The following FBN2 variants were observed in gnomAD, a reference collection of about 807,000 sequenced individuals.
FBN2 encodes fibrillin-2.
A neutral mutation model predicts 355.6 loss-of-function variants in FBN2; 105 were observed. That is an observed-to-expected ratio of 0.30 (90% CI 0.25 to 0.35). FBN2 has a LOEUF of 0.35. Ranked by LOEUF, FBN2 falls within the 10% of genes least tolerant of loss-of-function variation. FBN2 has a pLI of 1.00. For missense variants in FBN2, 3,280 were observed against 3,758.7 expected (o/e 0.87, Z 3.33); for synonymous variants, 1,350 against 1,301.2 (o/e 1.04, Z -0.81).
chr5:128,298,491 G>T (rs1354226346), intron 48 of FBN2, among the ~76,000 whole-genome samples: 1 of 151,826 alleles, frequency 6.6e-6, no homozygotes, highest in Non-Finnish European at 1.5e-5. Context: ...ACGTAGATTT[G>T]GTCTTTTCAC....
At position 128,261,993 on chromosome 5, in the gene FBN2, C is replaced by T. The variant is rs1475597983; in HGVS notation, c.8193-86G>A. On this transcript the variant is annotated intron_variant, in intron 63 of 64. Coordinates refer to ENST00000262464, the MANE Select transcript of FBN2 (RefSeq NM_001999.4). ...TGGTAGAGCAGACTCTTCAGAAACA[C>T]GAAACCAACAGAGCAAACACTAAAC... The T allele has an allele frequency of 1.2e-5, 12 of 1,031,998 alleles. No individual in the cohort carries two copies. The East Asian group carries it at 1.2e-4, about 10-fold the overall frequency. 63.9% of individuals were successfully genotyped at this position (1,031,998 alleles called of 1,614,324 possible).
intron 11 of FBN2, among the ~76,000 whole-genome samples, chr5:128,385,031 T>G (rs952157038): frequency 1.3e-5 from 2 of 152,138 alleles, no homozygotes; most frequent in Non-Finnish European, 2.9e-5. Context: ...GAGAAAGATA[T>G]GTTTTACATA....
intron 62 of FBN2, among the ~76,000 whole-genome samples, chr5:128,267,391 C>T (rs1272663412): frequency 6.6e-6 from 1 of 152,166 alleles, no homozygotes; most frequent in Non-Finnish European, 1.5e-5. Context: ...CCTGTGGAAT[C>T]ACCACACTGT....
intron 46 of FBN2, among the ~76,000 whole-genome samples, chr5:128,302,738 C>T (rs555395606): frequency 6.6e-6 from 1 of 152,112 alleles, no homozygotes; most frequent in African/African-American, 2.4e-5. Context: ...ACCTTTTTTT[C>T]CTGAAATGAT....
At chr5:128,331,428 T>TA (rs1286704894) in intron 32 of FBN2, among the ~76,000 whole-genome samples, 2 of 151,832 alleles carry the variant, frequency 1.3e-5, no homozygotes, top group African/African-American at 4.8e-5. Context: ...GAAAGGAGGT[T>TA]AGAGTGGCAA....
rs1764915597 is a variant in FBN2 at position 128,259,708 on chromosome 5, T to C, written c.8486A>G (p.Asn2829Ser). 9.3e-6 allele frequency: 15 copies of C among 1,613,774 alleles called. No individual in the cohort carries two copies. Among genetic ancestry groups the C allele is most frequent in the African/African-American group, 1.3e-5 (1 of 74,860 alleles). The change falls in exon 65 of 65, where the codon AAC becomes AGC. Residue 2829 changes from asparagine to serine, a missense_variant. Asn to Ser is a conservative substitution (Grantham distance 46). Around this residue, in one of 6 missense-constraint regions of FBN2, gnomAD observed 311 missense variants for 319.1 expected, o/e 0.97. Transcript: ENST00000262464. ...AGAGATGACATAACGGATGTGGTTG[T>C]TGAGGGGCTGGATGGCGGGCCTTAG... ...LELRPAIQPLNNHIRYVISQG... is the reference protein window; with the variant it reads ...LELRPAIQPLSNHIRYVISQG...
chr5:128,259,588 G>A lies in FBN2; in HGVS notation c.8606C>T (p.Thr2869Ile), dbSNP rs762956345. The A allele has an allele frequency of 6.2e-7, 1 of 1,614,074 alleles. No homozygotes were observed. The highest frequency in any genetic ancestry group is 1.1e-5 in the South Asian group (1 of 91,062). ...GAGAGGGATGCTAGTGATTTCCAGTGTGTATGTGCCGGGCATGAGCTTCTT... is the reference window on the plus strand; with the variant it reads ...GAGAGGGATGCTAGTGATTTCCAGTATGTATGTGCCGGGCATGAGCTTCTT... ...AKKKLMPGTY[T>I]LEITSIPLYK... Residue 2869 changes from threonine (T) to isoleucine (I), a missense_variant, in exon 65 of 65, where the codon ACA becomes ATA. By Grantham distance (89) the Thr-to-Ile change is moderately conservative. Around this residue, in one of 6 missense-constraint regions of FBN2, gnomAD observed 311 missense variants for 319.1 expected, o/e 0.97. Transcript: ENST00000262464.
chr5:128,432,023 T>C (rs1753639694), intron 7 of FBN2, among the ~76,000 whole-genome samples: 1 of 149,898 alleles, frequency 6.7e-6, no homozygotes, highest in Non-Finnish European at 1.5e-5. Flanking sequence ...ATAATAATGA[T>C]GATAATGATA....
chr5:128,487,147 C>T (rs946789540), intron 5 of FBN2, among the ~76,000 whole-genome samples: 1 of 152,120 alleles, frequency 6.6e-6, no homozygotes, highest in African/African-American at 2.4e-5. Context: ...CACTTCCAGG[C>T]CAAAGTGTTT....
In FBN2 at chr5:128,537,374, C is replaced by A. The variant is rs889066564; in HGVS notation, c.230G>T (p.Arg77Leu). ...GAAVASRVRR[R>L]GQQDVLRGPN... Reference sequence around the variant, plus strand: ...CCCTCGGAGCACGTCCTGCTGTCCTCGCCGGCGGACGCGGCTGGCCACTGC... The same window carrying A: ...CCCTCGGAGCACGTCCTGCTGTCCTAGCCGGCGGACGCGGCTGGCCACTGC... Residue 77 changes from arginine to leucine, a missense_variant, in exon 1 of 65, where the codon CGA becomes CTA. Arg to Leu is a moderately radical substitution (Grantham distance 102, BLOSUM62 -2). Transcript: ENST00000262464. The A allele has an allele frequency of 4.3e-6, 7 of 1,610,606 alleles. No homozygotes were observed. Among genetic ancestry groups the A allele is most frequent in the Non-Finnish European group, 5.9e-6 (7 of 1,179,770 alleles).
chr5:128,537,202 G>A (rs112368940), intron 1 of FBN2, 148 bp downstream of exon 1: 21 of 1,372,604 alleles, frequency 1.5e-5, no homozygotes, highest in Middle Eastern at 2.6e-4. Context: ...CGCGCTCCTG[G>A]GGGTCTTTGG....
chr5:128,273,632 A>T (rs1209884971), intron 61 of FBN2, among the ~76,000 whole-genome samples: 1 of 152,210 alleles, frequency 6.6e-6, no homozygotes, highest in Non-Finnish European at 1.5e-5. Context: ...TCAATTCGTA[A>T]TCACAGAATT....
rs541154024 is a variant in FBN2 at position 128,288,385 on chromosome 5, A to G, written c.6757+53T>C. 4.4e-6 allele frequency: 7 copies of G among 1,597,398 alleles called. No individual in the cohort carries two copies. In the South Asian group the frequency reaches 7.7e-5, roughly 18 times the overall value. On this transcript the variant is annotated intron_variant, in intron 53 of 64. Transcript: ENST00000262464. ...AATATAAATAAATATTGAGACATTAAAAAACACTTTCTATGTCAAGAAGAA... is the reference window on the plus strand; with the variant it reads ...AATATAAATAAATATTGAGACATTAGAAAACACTTTCTATGTCAAGAAGAA...
chr5:128,368,051 C>T (rs1037217060), intron 16 of FBN2, among the ~76,000 whole-genome samples: 3 of 151,916 alleles, frequency 2.0e-5, no homozygotes, highest in Non-Finnish European at 2.9e-5. Context: ...CCAAACTAAA[C>T]GTGCCCCTTC....
rs766614157 is a variant in FBN2, at chr5:128,309,232, G to T, written c.5353+15C>A. 9.9e-6 allele frequency: 16 copies of T among 1,613,544 alleles called. No homozygotes were observed. The highest frequency in any genetic ancestry group is 1.3e-5 in the African/African-American group (1 of 74,918). ...CTGATGTGGCAGTCAGCAGATGCAC[G>T]AGCCGTGTGCTTACCTGTTCCTGGA... is the stretch of plus-strand genomic sequence containing the variant. On this transcript the variant is annotated intron_variant, in intron 41 of 64. Transcript: ENST00000262464.
chr5:128,310,614 A>G (rs1750028437), intron 39 of FBN2, among the ~76,000 whole-genome samples: 1 of 152,064 alleles, frequency 6.6e-6, no homozygotes. Flanking sequence ...TCCTCATTAC[A>G]TCCTATTTCT....
chr5:128,486,263 TAAAGA>T (rs1258486716), intron 5 of FBN2, among the ~76,000 whole-genome samples: 1 of 152,124 alleles, frequency 6.6e-6, no homozygotes, highest in Non-Finnish European at 1.5e-5. Flanking sequence ...GAGAGCCCTT[TAAAGA>T]ATAAGTATAT....
At chr5:128,337,611 C>T (rs970354865) in intron 27 of FBN2, among the ~76,000 whole-genome samples, 4 of 152,194 alleles carry the variant, frequency 2.6e-5, no homozygotes, top group African/African-American at 4.8e-5. Flanking sequence ...GCAAGCCGAT[C>T]GTGAGCAGGC....
At chr5:128,480,760 G>A (rs1272323360) in intron 5 of FBN2, among the ~76,000 whole-genome samples, 1 of 152,112 alleles carries the variant, frequency 6.6e-6, no homozygotes, top group Non-Finnish European at 1.5e-5. Flanking sequence ...CTCAGCACCG[G>A]TTAGCTGTGA....
Sources: gnomAD v4.1 joint callset for allele counts (sites outside exome capture counted in the v4.1 genomes callset) on GRCh38, gnomAD v4.1.1 for gene constraint, gnomAD v4.1.1 regional missense constraint, MANE v1.5 for transcripts, NCBI Gene and HGNC (gene_info 2026-07-23, HGNC 2026-07-21) for gene names.